Variants in CNNM1 observed in about 807,000 individuals in gnomAD.
CNNM1 encodes metal transporter CNNM1.
CNNM1 carries 44 observed loss-of-function variants against 78.8 expected under a neutral mutation model. That is an observed-to-expected ratio of 0.56 (90% CI 0.44 to 0.72). The LOEUF is 0.72. Ranked by LOEUF, CNNM1 falls within the 30% of genes least tolerant of loss-of-function variation. The probability of loss-of-function intolerance (pLI) is 0.00; values close to 1 mark genes in which losing one functional copy is unlikely to be tolerated. For synonymous variants in CNNM1, 584 were observed against 581.5 expected, an observed-to-expected ratio of 1.00 and a Z score of -0.06; for missense variants, 1,101 against 1,292.2, an observed-to-expected ratio of 0.85 and a Z score of 2.27.
chr10:99,344,344 T>G (rs1490552501), intron 1 of CNNM1, among the ~76,000 whole-genome samples: 3 of 77,620 alleles, frequency 3.9e-5, no homozygotes, highest in African/African-American at 5.5e-5. Flanking sequence ...AAAAAAAAAA[T>G]AGGTGGGGGT....
intron 7 of CNNM1, among the ~76,000 whole-genome samples, chr10:99,382,238 G>A (rs1424010944): frequency 6.6e-6 from 1 of 152,202 alleles, no homozygotes; most frequent in Non-Finnish European, 1.5e-5. Context: ...TCTGGGAAAG[G>A]TGTTAAACAA....
At chr10:99,357,862 A>G (rs1476963066) in intron 2 of CNNM1, among the ~76,000 whole-genome samples, 2 of 152,152 alleles carry the variant, frequency 1.3e-5, no homozygotes, top group Non-Finnish European at 2.9e-5. Flanking sequence ...CTAAGTGTTT[A>G]TCAGGAGGGA....
intron 7 of CNNM1, among the ~76,000 whole-genome samples, chr10:99,379,228 T>C (rs2032065806): frequency 6.6e-6 from 1 of 152,242 alleles, no homozygotes; most frequent in African/African-American, 2.4e-5. Flanking sequence ...GTTGAGATAC[T>C]GTGGTGAAGA....
intron 6 of CNNM1, among the ~76,000 whole-genome samples, chr10:99,372,313 A>C (rs1194812202): frequency 6.6e-6 from 1 of 152,158 alleles, no homozygotes; most frequent in Non-Finnish European, 1.5e-5. Flanking sequence ...CTGACCACTC[A>C]AAGGCTGCAG....
At chr10:99,387,007 C>T (rs760330313) in intron 7 of CNNM1, among the ~76,000 whole-genome samples, 1 of 152,206 alleles carries the variant, frequency 6.6e-6, no homozygotes, top group Non-Finnish European at 1.5e-5. Flanking sequence ...AGTGGTTTCA[C>T]ATTCCTGTAC....
intron 3 of CNNM1, 125 bp downstream of exon 3, chr10:99,361,100 T>C: frequency 9.1e-7 from 1 of 1,096,076 alleles, no homozygotes; most frequent in South Asian, 2.0e-5. Flanking sequence ...AGCACTGTTC[T>C]AGGAAGGAGG....
chr10:99,380,801 A>G (rs1232196305), intron 7 of CNNM1, among the ~76,000 whole-genome samples: 1 of 151,314 alleles, frequency 6.6e-6, no homozygotes, highest in Non-Finnish European at 1.5e-5. Flanking sequence ...AAAAAAAAAA[A>G]AAGAGAAAAC....
chr10:99,386,046 A>G (rs963943878), intron 7 of CNNM1, among the ~76,000 whole-genome samples: 5 of 152,242 alleles, frequency 3.3e-5, no homozygotes, highest in African/African-American at 1.2e-4. Context: ...TGCAAAAGTC[A>G]GGTGTTTTCA....
chr10:99,340,746 CTCT>C (rs1329977954), intron 1 of CNNM1, among the ~76,000 whole-genome samples: 2 of 143,106 alleles, frequency 1.4e-5, no homozygotes, highest in African/African-American at 2.6e-5. Context: ...CCCTCCCTCT[CTCT>C]TCTTTCTTTC....
chr10:99,332,776 G>A (rs2029977175), intron 1 of CNNM1, among the ~76,000 whole-genome samples: 1 of 152,162 alleles, frequency 6.6e-6, no homozygotes, highest in African/African-American at 2.4e-5. Flanking sequence ...ATGATGAGAA[G>A]GGAGAGAAAT....
At chr10:99,389,073 G>A (rs2032391855) in intron 9 of CNNM1, among the ~76,000 whole-genome samples, 1 of 152,122 alleles carries the variant, frequency 6.6e-6, no homozygotes, top group Non-Finnish European at 1.5e-5. Context: ...TCAGTCCATA[G>A]TATAAGACCT....
chr10:99,387,662 T>G (rs555511558), intron 7 of CNNM1, among the ~76,000 whole-genome samples, 158 bp from the exon 8 acceptor site: 1 of 152,352 alleles, frequency 6.6e-6, no homozygotes, highest in African/African-American at 2.4e-5. Context: ...CCTGCTGGAC[T>G]GCTACAGCGT....
intron 6 of CNNM1, among the ~76,000 whole-genome samples, chr10:99,369,092 A>G (rs1407664048): frequency 1.3e-5 from 2 of 152,174 alleles, no homozygotes; most frequent in African/African-American, 4.8e-5. Context: ...TAATGTTACT[A>G]TGTGATGATC....
chr10:99,329,392 C>T lies in CNNM1; in HGVS notation c.5C>T (p.Ala2Val). M[A>V]AAAAAAAAVG... Reference sequence around the variant, plus strand: ...TGCAGCTGCGCTGGGTGCAGGATGGCGGCGGCCGCGGCGGCGGCAGCAGCG... The same window carrying T: ...TGCAGCTGCGCTGGGTGCAGGATGGTGGCGGCCGCGGCGGCGGCAGCAGCG... Residue 2 changes from alanine (A) to valine (V), a missense_variant, in exon 1 of 11, where the codon GCG becomes GTG. By Grantham distance (64) the Ala-to-Val change is moderately conservative (BLOSUM62 0). Coordinates refer to ENST00000356713, the MANE Select transcript of CNNM1 (RefSeq NM_020348.3). 1 of 714,694 alleles carries T rather than the reference C, an allele frequency of 1.4e-6. No homozygotes were observed. Among genetic ancestry groups the T allele is most frequent in the Non-Finnish European group, 2.2e-6 (1 of 460,398 alleles). The allele number at this position is 714,694 out of a possible 1,614,324, so 44.3% of individuals were successfully genotyped here.
intron 4 of CNNM1, 40 bp from the exon 5 acceptor site, chr10:99,364,377 C>A (rs765044553): frequency 1.4e-6 from 2 of 1,467,652 alleles, no homozygotes; most frequent in Admixed American, 3.8e-5. Context: ...TGGAAGTGCT[C>A]ATACACATTC....
intron 7 of CNNM1, among the ~76,000 whole-genome samples, chr10:99,379,507 A>G (rs987931312): frequency 6.6e-6 from 1 of 152,168 alleles, no homozygotes; most frequent in African/African-American, 2.4e-5. Flanking sequence ...AGGAGCTTGT[A>G]GTTTAAGGGT....
At chr10:99,365,895 A>C (rs1301135162) in intron 6 of CNNM1, among the ~76,000 whole-genome samples, 3 of 152,222 alleles carry the variant, frequency 2.0e-5, no homozygotes, top group Non-Finnish European at 4.4e-5. Context: ...GGTAGATACC[A>C]TTTTAACATG....
At chr10:99,356,596 G>GA (rs765495234) in intron 1 of CNNM1, among the ~76,000 whole-genome samples, 248 of 127,696 alleles carry the variant, frequency 1.9e-3, no homozygotes, top group East Asian at 4.8e-3. Flanking sequence ...AAGAAAGAAA[G>GA]AAAGAAAGAA....
intron 6 of CNNM1, among the ~76,000 whole-genome samples, chr10:99,370,963 A>C (rs1295170761): frequency 6.6e-6 from 1 of 152,198 alleles, no homozygotes; most frequent in Non-Finnish European, 1.5e-5. Flanking sequence ...AGATTAAAAA[A>C]CAGGTTCTGA....
Sources: allele counts gnomAD v4.1 joint callset (sites outside exome capture counted in the v4.1 genomes callset), GRCh38; gene constraint gnomAD v4.1.1; transcripts MANE v1.5; gene names NCBI Gene and HGNC (gene_info 2026-07-23, HGNC 2026-07-21).